Variants in NOXRED1 observed in about 807,000 individuals in gnomAD.
NOXRED1 encodes NADP-dependent oxidoreductase domain-containing protein 1.
NOXRED1 carries 20 observed loss-of-function variants against 30.4 expected under a neutral mutation model. That is an observed-to-expected ratio of 0.66 (90% confidence interval 0.46 to 0.96). The LOEUF is 0.96. Ranked by LOEUF, NOXRED1 falls within the 40% of genes least tolerant of loss-of-function variation. The pLI, the probability that NOXRED1 is intolerant of heterozygous loss-of-function variation, is 0.00. For missense variants in NOXRED1, 374 were observed against 428.0 expected, an observed-to-expected ratio of 0.87 and a Z score of 1.11; for synonymous variants, 155 against 168.0, an observed-to-expected ratio of 0.92 and a Z score of 0.60.
intron 2 of NOXRED1, among the ~76,000 whole-genome samples, chr14:77,410,871 G>A (rs903070270): frequency 2.0e-5 from 3 of 152,262 alleles, no homozygotes; most frequent in Non-Finnish European, 2.9e-5. Flanking sequence ...CTTATGCAAT[G>A]TTGGTAAAAA....
In NOXRED1 at chr14:77,406,738, G is replaced by A; in HGVS notation, c.668C>T (p.Pro223Leu). Residue 223 changes from proline to leucine, a missense_variant, in exon 4 of 6, where the codon CCC becomes CTC. Pro to Leu is a moderately conservative substitution (Grantham distance 98). Coordinates refer to ENST00000380835, the MANE Select transcript of NOXRED1 (RefSeq NM_001113475.3). Reference protein sequence around the residue: ...QDPTILQATCPYSPAGGIILN... With the variant: ...QDPTILQATCLYSPAGGIILN... ...TGAGCCGTGACCAGCAGGACTGTAG[G>A]GACAGGTAGCTTGAAGAATCGTAGG... The A allele has an allele frequency of 1.2e-6, 2 of 1,614,102 alleles. No individual in the cohort carries two copies. The highest frequency in any genetic ancestry group is 8.5e-7 in the Non-Finnish European group (1 of 1,179,996).
rs752926863 is a variant in NOXRED1 at position 77,406,029 on chromosome 14, A to G, written c.789T>C (p.Ser263=). The change falls in exon 5 of 6, where the codon AGT becomes AGC. Residue 263 remains serine, a synonymous_variant. Coordinates refer to ENST00000380835, the MANE Select transcript of NOXRED1 (RefSeq NM_001113475.3). ...CAAAGTGCACGGAGAGAAAGAGTTCACTCAGAAGCTGCAGCACTTGGGAGT... is the reference window on the plus strand; with the variant it reads ...CAAAGTGCACGGAGAGAAAGAGTTCGCTCAGAAGCTGCAGCACTTGGGAGT... The part of the protein sequence containing the change: ...MAHSQVLQLL[S]ELFLSVHFED... 1 of 1,613,536 alleles carries G rather than the reference A, an allele frequency of 6.2e-7. No individual in the cohort carries two copies. The highest frequency in any genetic ancestry group is 1.1e-5 in the South Asian group (1 of 91,068).
intron 5 of NOXRED1, among the ~76,000 whole-genome samples, chr14:77,402,373 C>G (rs1275702020): frequency 6.6e-6 from 1 of 152,240 alleles, no homozygotes; most frequent in Non-Finnish European, 1.5e-5. Flanking sequence ...CGCCTGTAAT[C>G]CCAGCACTTT....
chr14:77,423,546 A>AC (rs11378495), upstream of NOXRED1: 145,545 of 152,236 alleles, frequency 0.96, 69,896 homozygotes, highest in East Asian at 1. Flanking sequence ...AAGGAGAATT[A>AC]CCAAGAAACT....
At position 77,406,029 on chromosome 14, in the gene NOXRED1, A is replaced by C; in HGVS notation, c.789T>G (p.Ser263Arg). The stretch of plus-strand genomic sequence containing the variant: ...CAAAGTGCACGGAGAGAAAGAGTTC[A>C]CTCAGAAGCTGCAGCACTTGGGAGT... The part of the protein sequence containing the change: ...MAHSQVLQLL[S>R]ELFLSVHFED... Residue 263 changes from serine (S) to arginine (R), a missense_variant, in exon 5 of 6, where the codon AGT becomes AGG. Physicochemically the swap from Ser to Arg is moderately radical, Grantham distance 110 (BLOSUM62 -1). Coordinates refer to ENST00000380835, the MANE Select transcript of NOXRED1 (RefSeq NM_001113475.3). 2 of 1,613,536 alleles carry C rather than the reference A, an allele frequency of 1.2e-6. No individual in the cohort carries two copies. The highest frequency in any genetic ancestry group is 1.7e-6 in the Non-Finnish European group (2 of 1,179,542).
At chr14:77,422,706 A>C (rs755921978) in intron 1 of NOXRED1, 29 bp downstream of exon 1, 3 of 1,607,714 alleles carry the variant, frequency 1.9e-6, no homozygotes, top group Non-Finnish European at 1.7e-6. Context: ...ATTCTTGTCC[A>C]TCTTCCTGAA....
At chr14:77,406,350 T>A in intron 4 of NOXRED1, 1 of 598,904 alleles carries the variant, frequency 1.7e-6, no homozygotes, top group Admixed American at 3.0e-5. Context: ...AGTGGACAGA[T>A]ACAACTAATG....
intron 5 of NOXRED1, among the ~76,000 whole-genome samples, chr14:77,398,883 C>T (rs931960512): frequency 1.3e-5 from 2 of 151,940 alleles, no homozygotes; most frequent in African/African-American, 4.8e-5. Flanking sequence ...GCAGGAGAAT[C>T]GTTTGAACTC....
upstream of NOXRED1, among the ~76,000 whole-genome samples, chr14:77,423,990 C>T (rs1203094308): frequency 6.6e-6 from 1 of 152,224 alleles, no homozygotes; most frequent in Non-Finnish European, 1.5e-5. Flanking sequence ...CTCCCTATCC[C>T]TCCCCACCCT....
At chr14:77,423,757 A>C (rs1485663798), upstream of NOXRED1, among the ~76,000 whole-genome samples, 1 of 152,192 alleles carries the variant, frequency 6.6e-6, no homozygotes, top group Non-Finnish European at 1.5e-5. Flanking sequence ...GCAGACTAGA[A>C]TATCTTACAG....
chr14:77,422,660 A>G (rs1183061060), intron 1 of NOXRED1, 75 bp downstream of exon 1: 53 of 1,478,350 alleles, frequency 3.6e-5, no homozygotes, highest in Non-Finnish European at 5.0e-5. Flanking sequence ...CTCCAATATA[A>G]AAAAAATTTA....
At chr14:77,413,253 T>C (rs1894709791) in intron 2 of NOXRED1, among the ~76,000 whole-genome samples, 1 of 151,550 alleles carries the variant, frequency 6.6e-6, no homozygotes, top group African/African-American at 2.4e-5. Flanking sequence ...TTTTTTTTTT[T>C]TTTTGAGACG....
chr14:77,405,854 C>T (rs959207647), intron 5 of NOXRED1, 59 bp downstream of exon 5: 22 of 995,974 alleles, frequency 2.2e-5, no homozygotes, highest in African/African-American at 3.2e-5. Context: ...AGAAAAAAAG[C>T]ATTAACTAAG....
chr14:77,407,369 C>G (rs1366966527), intron 3 of NOXRED1, 96 bp downstream of exon 3: 1 of 874,568 alleles, frequency 1.1e-6, no homozygotes, highest in Non-Finnish European at 1.8e-6. Context: ...ACAACCAACT[C>G]TAAGAGATAG....
chr14:77,422,670 A>T, intron 1 of NOXRED1, 65 bp downstream of exon 1: 1 of 1,522,438 alleles, frequency 6.6e-7, no homozygotes, highest in Non-Finnish European at 9.1e-7. Flanking sequence ...AAAAAAATTT[A>T]AGACATTTGA....
chr14:77,405,956 C>G lies in NOXRED1; in HGVS notation c.862G>C (p.Asp288His). ...TTGCCATAGGCTTTGCTGACAAAAT[C>G]TGTTAATTGCAACTTTGGGCAAGAT... ...TASCPKLQLT[D>H]FVSKAYGKNL... Residue 288 changes from aspartate (D) to histidine (H), a missense_variant, in exon 5 of 6, where the codon GAT becomes CAT. Asp to His is a moderately conservative substitution (Grantham distance 81). Transcript: ENST00000380835. 6.2e-7 allele frequency: 1 copy of G among 1,613,704 alleles called. No individual in the cohort carries two copies. Among genetic ancestry groups the G allele is most frequent in the Non-Finnish European group, 8.5e-7 (1 of 1,179,838 alleles).
chr14:77,406,297 TACTTGTGCCCTTTATAACA>T, intron 4 of NOXRED1, 162 bp from the exon 5 acceptor site: 1 of 615,112 alleles, frequency 1.6e-6, no homozygotes, highest in South Asian at 2.0e-5. Flanking sequence ...CCACAAGTGC[TACTTGTGCCCTTTATAACA>T]CATCATGTGT....
intron 2 of NOXRED1, among the ~76,000 whole-genome samples, chr14:77,412,497 C>T (rs1336186460): frequency 6.6e-6 from 1 of 152,080 alleles, no homozygotes; most frequent in Non-Finnish European, 1.5e-5. Context: ...AGTGGAGGGG[C>T]TTAACATCAT....
intron 5 of NOXRED1, among the ~76,000 whole-genome samples, chr14:77,396,584 GAAT>G (rs1190243987): frequency 1.3e-5 from 2 of 152,096 alleles, no homozygotes; most frequent in African/African-American, 4.8e-5. Context: ...TAGAACTAAT[GAAT>G]TCAGCAAGGT....
Sources: allele counts gnomAD v4.1 joint callset (sites outside exome capture counted in the v4.1 genomes callset), GRCh38; gene constraint gnomAD v4.1.1; transcripts MANE v1.5; gene names NCBI Gene and HGNC (gene_info 2026-07-23, HGNC 2026-07-21).